Variants in ZNF568 observed in about 807,000 individuals in gnomAD.
ZNF568 encodes the protein zinc finger protein 568.
Under a neutral mutation model 18.1 loss-of-function variants are expected in ZNF568, and 11 were observed. That is an observed-to-expected ratio of 0.61 (90% CI 0.38 to 1.00). The LOEUF is 1.00. Among genes scored for constraint, ZNF568 ranks in the 50% least tolerant of loss-of-function variants. ZNF568 has a pLI of 0.01. For missense variants in ZNF568, 639 were observed against 768.2 expected, an observed-to-expected ratio of 0.83 and a Z score of 1.99; for synonymous variants, 213 against 246.6, an observed-to-expected ratio of 0.86 and a Z score of 1.28.
intron 6 of ZNF568, among the ~76,000 whole-genome samples, chr19:36,971,311 A>G (rs886838983): frequency 6.7e-6 from 1 of 148,896 alleles, no homozygotes; most frequent in Admixed American, 6.7e-5. Flanking sequence ...TTGCTCTTGT[A>G]TATCAGTCTT....
intron 4 of ZNF568, chr19:36,996,243 ATTTCTACT>A: frequency 8.7e-7 from 1 of 1,151,068 alleles, no homozygotes; most frequent in Non-Finnish European, 1.2e-6. Context: ...TTATTTTGTC[ATTTCTACT>A]TTCAGGACTT....
rs1568384529 is a variant in ZNF568 at position 36,933,913 on chromosome 19, TTTGTTTTTTTG to T, written c.136-2830_136-2820del. Reference sequence around the variant, plus strand: ...CTTTTGGGTAGGTTTTTTTTTTTGTTTTGTTTTTTTGTTTTTTTTTTTTTTTTTTAGTAATT... The same window carrying T: ...CTTTTGGGTAGGTTTTTTTTTTTGTTTTTTTTTTTTTTTTTTTTAGTAATT... On this transcript the variant is annotated intron_variant, in intron 4 of 6. Coordinates refer to ENST00000333987, the MANE Select transcript of ZNF568 (RefSeq NM_198539.4). Among the ~76,000 whole-genome samples the T allele has an allele frequency of 1.4e-3, 46 of 33,132 alleles. 2 individuals are homozygous for T. Among genetic ancestry groups the T allele is most frequent in the African/African-American group, 5.6e-3 (27 of 4,826 alleles). The allele number at this position is 33,132 out of a possible 152,430, so 21.7% of individuals were successfully genotyped here.
Position 36,951,899 on chromosome 19 carries a change from G to T in ZNF568, c.*811G>T. On this transcript the variant is annotated 3_prime_UTR_variant, in exon 7 of 7. Transcript: ENST00000333987. ...CCCTCTTTGGCCTCCCAAAGTGCTG[G>T]GGTTTACAGGCTTGAGCCACTGCAC... 11 of 979,690 alleles carry T rather than the reference G, an allele frequency of 1.1e-5. No individual in the cohort carries two copies. Among genetic ancestry groups the T allele is most frequent in the Non-Finnish European group, 1.3e-5 (11 of 825,484 alleles). 60.7% of individuals were successfully genotyped at this position (979,690 alleles called of 1,614,324 possible).
At chr19:36,949,052 G>A (rs755721427) in intron 6 of ZNF568, among the ~76,000 whole-genome samples, 1 of 151,890 alleles carries the variant, frequency 6.6e-6, no homozygotes. Context: ...TTACACTCAC[G>A]TCTCCTTTTT....
chr19:36,950,089 GA>G lies in ZNF568; in HGVS notation c.939del (p.Ala314ProfsTer68). The G allele has an allele frequency of 1.2e-5, 19 of 1,613,292 alleles. No homozygotes were observed. Among genetic ancestry groups the G allele is most frequent in the Non-Finnish European group, 1.6e-5 (19 of 1,179,788 alleles). ...EKPYACKDCW[K>X]AFSQKSNLIE... is the part of the protein sequence containing the mutation. Reference sequence around the variant, plus strand: ...AACCTTATGCATGTAAGGATTGTTGGAAAGCCTTCAGTCAGAAATCAAATCT... The same window carrying G: ...AACCTTATGCATGTAAGGATTGTTGGAAGCCTTCAGTCAGAAATCAAATCT... On this transcript the variant is annotated frameshift_variant, in exon 7 of 7. Coordinates refer to ENST00000333987, the MANE Select transcript of ZNF568 (RefSeq NM_198539.4). LOFTEE classifies it low-confidence loss of function (END_TRUNC).
intron 2 of ZNF568, among the ~76,000 whole-genome samples, chr19:36,920,602 CAG>C (rs752294014): frequency 3.5e-5 from 5 of 142,522 alleles, no homozygotes; most frequent in Non-Finnish European, 7.5e-5. Context: ...GCCTGGGTGA[CAG>C]AGTGAGACTC....
rs752691158 is a variant in ZNF568 at position 36,950,270 on chromosome 19, C to T, written c.1117C>T (p.Arg373Ter). Residue 373 changes from arginine (R) to a stop codon, truncating the protein, a stop_gained, in exon 7 of 7, where the codon CGA (arginine) becomes TGA (stop). Transcript: ENST00000333987. LOFTEE classifies it low-confidence loss of function (END_TRUNC). Reference protein sequence around the residue: ...ACNECGRAFSRMSSVTLHMRS... With the variant: ...ACNECGRAFS ...TAATGAATGTGGTAGAGCTTTTTCT[C>T]GAATGTCATCTGTTACGCTACATAT... is the stretch of plus-strand genomic sequence containing the variant. The T allele has an allele frequency of 3.7e-6, 6 of 1,613,830 alleles. No individual in the cohort carries two copies. The highest frequency in any genetic ancestry group is 1.7e-4 in the Middle Eastern group (1 of 6,060).
At chr19:36,972,866 G>C (rs2074247147) in intron 6 of ZNF568, among the ~76,000 whole-genome samples, 2 of 152,158 alleles carry the variant, frequency 1.3e-5, no homozygotes, top group Admixed American at 1.3e-4. Context: ...GGTTAACTTC[G>C]CGGACTCTGG....
In ZNF568 at chr19:36,962,277, G is replaced by GTTAT. The variant is rs1555736279; in HGVS notation, c.359-12141_359-12140insATTT. On this transcript the variant is annotated intron_variant, in intron 6 of 7. Coordinates refer to the ZNF568 transcript ENST00000427117. Reference sequence around the variant, plus strand: ...TTTTCATGATGGTAAGTGTTGCAGTGTTTTTTTTTTTTTTTTTTTTTTTGC... The same window carrying GTTAT: ...TTTTCATGATGGTAAGTGTTGCAGTGTTATTTTTTTTTTTTTTTTTTTTTTTTGC... Among the ~76,000 whole-genome samples the GTTAT allele has an allele frequency of 6.1e-3, 276 of 45,284 alleles. 25 individuals are homozygous for GTTAT. The highest frequency in any genetic ancestry group is 0.025 in the East Asian group (14 of 558). The allele number at this position is 45,284 out of a possible 152,430, so 29.7% of individuals were successfully genotyped here. A position where few individuals can be genotyped will look rare whatever the true frequency, so the allele number is the denominator to read the frequency against.
intron 4 of ZNF568, chr19:36,996,228 T>C: frequency 9.6e-7 from 1 of 1,039,070 alleles, no homozygotes; most frequent in Non-Finnish European, 1.4e-6. Flanking sequence ...GCTTATTAAC[T>C]ATTTTTATTT....
chr19:36,953,894 G>C (rs1219257853), downstream of ZNF568, among the ~76,000 whole-genome samples: 2 of 151,642 alleles, frequency 1.3e-5, no homozygotes, highest in South Asian at 2.1e-4. Context: ...CTGCGTGACA[G>C]AGTAAGACCC....
intron 2 of ZNF568, among the ~76,000 whole-genome samples, chr19:36,988,716 A>T (rs1234345743): frequency 7.2e-5 from 11 of 152,184 alleles, no homozygotes; most frequent in Admixed American, 7.2e-4. Context: ...TATCAGACAC[A>T]TTGTAATCCT....
At chr19:36,935,620 T>A (rs1188784650) in intron 4 of ZNF568, among the ~76,000 whole-genome samples, 1 of 152,076 alleles carries the variant, frequency 6.6e-6, no homozygotes. Context: ...AATTGCCAGT[T>A]TCTGCCTTCA....
In ZNF568 at chr19:36,949,667, A is replaced by G; in HGVS notation, c.514A>G (p.Arg172Gly). The change falls in exon 7 of 7, where the codon AGA becomes GGA. Residue 172 changes from arginine (R) to glycine (G), a missense_variant. Transcript: ENST00000333987. ...FPLSSDIVTSRQSFYDCDSLD... is the reference protein window; with the variant it reads ...FPLSSDIVTSGQSFYDCDSLD... The stretch of plus-strand genomic sequence containing the variant: ...TCTGAGTTCAGACATTGTTACTTCA[A>G]GACAAAGCTTCTATGACTGTGACTC... 6.2e-7 allele frequency: 1 copy of G among 1,613,886 alleles called. No homozygotes were observed. Among genetic ancestry groups the G allele is most frequent in the South Asian group, 1.1e-5 (1 of 91,036 alleles).
intron 7 of ZNF568, among the ~76,000 whole-genome samples, chr19:36,975,212 A>G (rs2074272658): frequency 6.7e-6 from 1 of 148,810 alleles, no homozygotes; most frequent in South Asian, 2.1e-4. Context: ...CAATGGCACA[A>G]TCTCGGCTCA....
At position 36,950,045 on chromosome 19, in the gene ZNF568, A is replaced by G. The variant is rs778687956; in HGVS notation, c.892A>G (p.Arg298Gly). Residue 298 changes from arginine to glycine, a missense_variant, in exon 7 of 7, where the codon AGA becomes GGA. By Grantham distance (125) the Arg-to-Gly change is moderately radical. Transcript: ENST00000333987. ...IQMSNLIRHH[R>G]IHTGEKPYAC... ...GATGTCAAACCTTATTAGACACCAC[A>G]GAATTCATACTGGGGAGAAACCTTA... is the stretch of plus-strand genomic sequence containing the variant. 5 of 1,613,856 alleles carry G rather than the reference A, an allele frequency of 3.1e-6. No individual in the cohort carries two copies. In the South Asian group the frequency reaches 4.4e-5, roughly 14 times the overall value.
rs141056680 is a variant in ZNF568 at position 36,932,393 on chromosome 19, A to T, written c.136-4353A>T. Among the ~76,000 whole-genome samples, 399 of 152,226 alleles carry T rather than the reference A, an allele frequency of 2.6e-3. 2 individuals are homozygous for T. The highest frequency in any genetic ancestry group is 4.0e-3 in the Non-Finnish European group (270 of 67,996). ...ACCTGAAGTCAGGAGTTCAAGACCC[A>T]CCTGACCAACATGGTGAAACCCTGT... On this transcript the variant is annotated intron_variant, in intron 4 of 6. Coordinates refer to ENST00000333987, the MANE Select transcript of ZNF568 (RefSeq NM_198539.4).
chr19:36,926,219 A>G (rs2146272784), intron 4 of ZNF568, among the ~76,000 whole-genome samples: 1 of 152,246 alleles, frequency 6.6e-6, no homozygotes, highest in Admixed American at 6.5e-5. Flanking sequence ...TCATCTTACA[A>G]AATTACGTAT....
chr19:36,922,841 G>A lies in ZNF568; in HGVS notation c.71G>A (p.Arg24Lys), dbSNP rs765362896. Residue 24 changes from arginine (R) to lysine (K), a missense_variant, in exon 3 of 7, where the codon AGG (arginine) becomes AAG (lysine). By Grantham distance (26) the Arg-to-Lys change is conservative (BLOSUM62 2). Coordinates refer to ENST00000333987, the MANE Select transcript of ZNF568 (RefSeq NM_198539.4). ...GAGCGTTTGAGCCACATGATGGAAA[G>A]GAAAGGTGAGGTGGCTCATAGGTGG... is the stretch of plus-strand genomic sequence containing the variant. Reference protein sequence around the residue: ...TMERLSHMMERKAWCSQESAL... With the variant: ...TMERLSHMMEKKAWCSQESAL... 6.2e-7 allele frequency: 1 copy of A among 1,613,938 alleles called. No individual in the cohort carries two copies. The highest frequency in any genetic ancestry group is 1.7e-4 in the Middle Eastern group (1 of 6,060).
Sources: gnomAD v4.1 joint callset for allele counts (sites outside exome capture counted in the v4.1 genomes callset) on GRCh38, gnomAD v4.1.1 for gene constraint, MANE v1.5 for transcripts, NCBI Gene and HGNC (gene_info 2026-07-23, HGNC 2026-07-21) for gene names.